The following OLFML2B variants were observed in gnomAD, a reference collection of about 807,000 sequenced individuals.
OLFML2B encodes olfactomedin-like protein 2B.
A neutral mutation model predicts 74.9 loss-of-function variants in OLFML2B; 57 were observed. The observed-to-expected ratio is 0.76, with a 90% CI of 0.61 to 0.95. The LOEUF (loss-of-function observed/expected upper bound fraction) is 0.95, where lower values mean the gene tolerates loss of function less well. Among genes scored for constraint, OLFML2B ranks in the 40% least tolerant of loss-of-function variants. The probability of loss-of-function intolerance (pLI) is 0.00; values close to 1 mark genes in which losing one functional copy is unlikely to be tolerated. For synonymous variants in OLFML2B, 388 were observed against 405.8 expected (o/e 0.96, Z 0.53); for missense variants, 986 against 970.6 (o/e 1.02, Z -0.21).
At chr1:162,005,654 G>A (rs1032784431) in intron 4 of OLFML2B, among the ~76,000 whole-genome samples, 1 of 152,124 alleles carries the variant, frequency 6.6e-6, no homozygotes, top group African/African-American at 2.4e-5. Context: ...TGATTTGGGA[G>A]GCTGACGCAG....
chr1:162,016,433 C>A (rs1690537981), intron 3 of OLFML2B, among the ~76,000 whole-genome samples: 1 of 152,168 alleles, frequency 6.6e-6, no homozygotes, highest in African/African-American at 2.4e-5. Flanking sequence ...AACCTTAGCT[C>A]TTTCATGATA....
chr1:161,994,603 T>C (rs1442078071), intron 6 of OLFML2B, among the ~76,000 whole-genome samples: 1 of 152,198 alleles, frequency 6.6e-6, no homozygotes, highest in Non-Finnish European at 1.5e-5. Flanking sequence ...TTCTCTGCAG[T>C]AGCCTGAGCT....
rs1690797176 is a variant in OLFML2B at position 162,023,583 on chromosome 1, AGGGTGCGCCCC to A, written c.-164_-154del. 3 of 668,218 alleles carry A rather than the reference AGGGTGCGCCCC, an allele frequency of 4.5e-6. No homozygotes were observed. Among genetic ancestry groups the A allele is most frequent in the Non-Finnish European group, 6.8e-6 (3 of 442,794 alleles). 41.4% of individuals were successfully genotyped at this position (668,218 alleles called of 1,614,324 possible). A position where few individuals can be genotyped will look rare whatever the true frequency, so the allele number is the denominator to read the frequency against. On this transcript the variant is annotated 5_prime_UTR_variant, in exon 1 of 8. The change abolishes the stop of an existing upstream ORF in the 5' untranslated region. Transcript: ENST00000294794. ...GCTGGGTGCGGCTGAGCGGGACGGG[AGGGTGCGCCCC>A]AGAGACTCTGGGCATCTCCTTCCCG... is the stretch of plus-strand genomic sequence containing the variant.
At chr1:161,996,277 C>A (rs894150224) in intron 6 of OLFML2B, among the ~76,000 whole-genome samples, 2 of 152,216 alleles carry the variant, frequency 1.3e-5, no homozygotes, top group Non-Finnish European at 1.5e-5. Context: ...GAGGCACATA[C>A]ACACCATGAA....
intron 4 of OLFML2B, among the ~76,000 whole-genome samples, chr1:162,001,186 T>C (rs1445978337): frequency 2.0e-5 from 3 of 152,228 alleles, no homozygotes; most frequent in African/African-American, 7.2e-5. Flanking sequence ...GACCTTCTAA[T>C]TCAGAATTAA....
At chr1:161,993,626 T>C (rs1689806776) in intron 6 of OLFML2B, among the ~76,000 whole-genome samples, 1 of 152,072 alleles carries the variant, frequency 6.6e-6, no homozygotes, top group African/African-American at 2.4e-5. Flanking sequence ...AGGCCCCGGC[T>C]CCCTACCCTG....
intron 3 of OLFML2B, among the ~76,000 whole-genome samples, chr1:162,013,691 G>A (rs1310754922): frequency 6.6e-6 from 1 of 152,068 alleles, no homozygotes; most frequent in Admixed American, 6.5e-5. Context: ...GGATGTTCAT[G>A]TATAGGAATG....
intron 6 of OLFML2B, among the ~76,000 whole-genome samples, chr1:161,997,070 T>C (rs1689930867): frequency 6.6e-6 from 1 of 152,030 alleles, no homozygotes; most frequent in Non-Finnish European, 1.5e-5. Flanking sequence ...GGCAGGAGAA[T>C]GGCATGAACC....
intron 3 of OLFML2B, among the ~76,000 whole-genome samples, chr1:162,011,267 C>T (rs977739619): frequency 6.6e-6 from 1 of 152,182 alleles, no homozygotes; most frequent in Non-Finnish European, 1.5e-5. Flanking sequence ...TGGATGCGCA[C>T]AGGGCTAAGA....
chr1:162,000,035 G>T (rs1690036996), intron 5 of OLFML2B, 78 bp downstream of exon 5: 1 of 1,126,178 alleles, frequency 8.9e-7, no homozygotes, highest in Non-Finnish European at 1.3e-6. Context: ...TGGCTCCCAG[G>T]AATCCAGCCC....
chr1:162,021,974 T>TGG (rs1360948314), intron 1 of OLFML2B, among the ~76,000 whole-genome samples: 3 of 152,140 alleles, frequency 2.0e-5, no homozygotes, highest in African/African-American at 7.2e-5. Context: ...AGGCTAGTGT[T>TGG]TGATAAATCC....
intron 4 of OLFML2B, 95 bp downstream of exon 4, chr1:162,006,202 A>T: frequency 8.3e-7 from 1 of 1,206,880 alleles, no homozygotes; most frequent in Non-Finnish European, 1.1e-6. Flanking sequence ...TCTCTGTGAA[A>T]GGACTGAAGC....
At chr1:162,010,594 C>T (rs1021116550) in intron 3 of OLFML2B, among the ~76,000 whole-genome samples, 4 of 152,136 alleles carry the variant, frequency 2.6e-5, no homozygotes, top group Admixed American at 2.6e-4. Context: ...CTGACCTTGT[C>T]CAGCTCTTAG....
intron 6 of OLFML2B, among the ~76,000 whole-genome samples, chr1:161,995,462 C>T (rs1428599532): frequency 2.6e-5 from 4 of 152,204 alleles, no homozygotes; most frequent in Non-Finnish European, 5.9e-5. Flanking sequence ...AGGTAAATGG[C>T]TGCTGGGACA....
chr1:162,008,563 T>C (rs1250582314), intron 3 of OLFML2B, among the ~76,000 whole-genome samples: 1 of 152,218 alleles, frequency 6.6e-6, no homozygotes, highest in Non-Finnish European at 1.5e-5. Flanking sequence ...TCAGGATACA[T>C]GACAGGATAT....
chr1:162,004,556 C>T (rs1450173000), intron 4 of OLFML2B, among the ~76,000 whole-genome samples: 1 of 152,076 alleles, frequency 6.6e-6, no homozygotes, highest in African/African-American at 2.4e-5. Context: ...CCTCAAAAGC[C>T]CCAATCTGCC....
At chr1:162,018,273 T>G (rs954007589) in intron 2 of OLFML2B, among the ~76,000 whole-genome samples, 2 of 152,190 alleles carry the variant, frequency 1.3e-5, no homozygotes, top group African/African-American at 4.8e-5. Flanking sequence ...CATGTACCCC[T>G]GAACCTAAAA....
At chr1:161,995,858 G>T (rs1015573869) in intron 6 of OLFML2B, among the ~76,000 whole-genome samples, 1 of 152,186 alleles carries the variant, frequency 6.6e-6, no homozygotes, top group South Asian at 2.1e-4. Context: ...AATGGTAGAA[G>T]TATGGGGGCC....
intron 6 of OLFML2B, among the ~76,000 whole-genome samples, chr1:161,995,579 G>A (rs773479689): frequency 1.4e-4 from 22 of 152,196 alleles, no homozygotes; most frequent in Non-Finnish European, 2.6e-4. Context: ...AAGTCCTGGG[G>A]AGGCAGTTGG....
Sources: allele counts gnomAD v4.1 joint callset (sites outside exome capture counted in the v4.1 genomes callset), GRCh38; gene constraint gnomAD v4.1.1; transcripts MANE v1.5; gene names NCBI Gene and HGNC (gene_info 2026-07-23, HGNC 2026-07-21).